Variants in SLC26A8 observed in about 807,000 individuals in gnomAD.
SLC26A8 encodes testis anion transporter 1.
A neutral mutation model predicts 105.0 loss-of-function variants in SLC26A8; 70 were observed. The observed-to-expected ratio is 0.67, with a 90% confidence interval of 0.55 to 0.81. The LOEUF (loss-of-function observed/expected upper bound fraction) is 0.81. Ranked by LOEUF, SLC26A8 falls within the 40% of genes least tolerant of loss-of-function variation. SLC26A8 has a pLI of 0.00. For synonymous variants in SLC26A8, 415 were observed against 438.3 expected (o/e 0.95, Z 0.66); for missense variants, 998 against 1,181.8 (o/e 0.84, Z 2.28).
At position 35,981,777 on chromosome 6, in the gene SLC26A8, G is replaced by A. The variant is rs571397658; in HGVS notation, c.1025+344C>T. On this transcript the variant is annotated intron_variant, in intron 8 of 19. Coordinates refer to ENST00000490799, the MANE Select transcript of SLC26A8 (RefSeq NM_052961.4). The surrounding 1 kb of genome is among the most constrained non-coding windows in gnomAD (Gnocchi z 4.0). ...CAGGAGAGAGGCTAGAAAAACCGAG[G>A]CATCTCTTGTCCACCCCTTGAGAAT... Among the ~76,000 whole-genome samples, 1 of 152,294 alleles carries A rather than the reference G, an allele frequency of 6.6e-6. No individual in the cohort carries two copies. The highest frequency in any genetic ancestry group is 1.9e-4 in the East Asian group (1 of 5,190).
At chr6:36,013,007 A>T (rs1035692875) in intron 2 of SLC26A8, among the ~76,000 whole-genome samples, 4 of 152,114 alleles carry the variant, frequency 2.6e-5, no homozygotes, top group African/African-American at 9.7e-5. Flanking sequence ...TTTACCAAAC[A>T]TTTACTCTGT....
intron 11 of SLC26A8, among the ~76,000 whole-genome samples, chr6:35,964,199 C>A (rs540413588): frequency 1.4e-3 from 216 of 152,244 alleles, no homozygotes; most frequent in African/African-American, 5.0e-3. Context: ...AAGAGCAAGA[C>A]CCTGTCTCAC....
At chr6:35,999,957 C>T (rs150858208) in intron 4 of SLC26A8, 35 bp downstream of exon 4, 4 of 1,387,370 alleles carry the variant, frequency 2.9e-6, no homozygotes, top group East Asian at 2.3e-5. Context: ...ATGGAAACTT[C>T]ATCCACCGCA....
intron 1 of SLC26A8, among the ~76,000 whole-genome samples, chr6:36,021,993 A>G (rs917791984): frequency 6.6e-6 from 1 of 151,160 alleles, no homozygotes; most frequent in African/African-American, 2.4e-5. Context: ...TTGGAGATGG[A>G]GTACAGCTCT....
intron 16 of SLC26A8, among the ~76,000 whole-genome samples, chr6:35,956,374 G>A (rs1355493381): frequency 6.8e-6 from 1 of 146,586 alleles, no homozygotes; most frequent in Non-Finnish European, 1.5e-5. Context: ...GCTGCAGTGA[G>A]CTGTGACCAC....
intron 1 of SLC26A8, among the ~76,000 whole-genome samples, chr6:36,022,164 G>C (rs575341223): frequency 1.6e-3 from 243 of 151,380 alleles, no homozygotes; most frequent in Non-Finnish European, 2.8e-3. Context: ...ACAGGGTTTC[G>C]CCATGTTGGC....
At chr6:35,977,563 T>C (rs764289410) in intron 8 of SLC26A8, among the ~76,000 whole-genome samples, 71 of 152,156 alleles carry the variant, frequency 4.7e-4, no homozygotes, top group Non-Finnish European at 8.8e-4. Context: ...TTGTTGTGTT[T>C]TGCAGTTCAA....
chr6:35,996,483 A>C (rs1291787818), intron 5 of SLC26A8, among the ~76,000 whole-genome samples: 2 of 152,176 alleles, frequency 1.3e-5, no homozygotes, highest in African/African-American at 4.8e-5. Flanking sequence ...AGGATTCCAG[A>C]TCTGGCTCTA....
At position 36,024,378 on chromosome 6, in the gene SLC26A8, T is replaced by C. The variant is rs931844326; in HGVS notation, c.-3+126A>G. On this transcript the variant is annotated intron_variant, in intron 1 of 19. Transcript: ENST00000490799. ...GACCATCATTCATTCATTCCACAGA[T>C]ACTGACTGAGTGCCCACGGCGTGCC... 4.7e-5 allele frequency: 21 copies of C among 445,692 alleles called. No homozygotes were observed. The Admixed American group carries it at 5.0e-4, about 11-fold the overall frequency. The allele number at this position is 445,692 out of a possible 1,614,324, so 27.6% of individuals were successfully genotyped here.
chr6:35,976,732 G>T (rs1271592318), intron 9 of SLC26A8, among the ~76,000 whole-genome samples: 2 of 151,698 alleles, frequency 1.3e-5, no homozygotes, highest in Non-Finnish European at 1.5e-5. Flanking sequence ...TTTTGGTAGA[G>T]ACAGGGTTTC....
intron 11 of SLC26A8, among the ~76,000 whole-genome samples, chr6:35,964,904 T>C (rs1429993100): frequency 6.6e-6 from 1 of 151,450 alleles, no homozygotes; most frequent in African/African-American, 2.4e-5. Flanking sequence ...GAGGCAGAGG[T>C]TGCAGTGAGC....
At chr6:35,957,932 C>T (rs1446718558) in intron 16 of SLC26A8, among the ~76,000 whole-genome samples, 1 of 151,996 alleles carries the variant, frequency 6.6e-6, no homozygotes, top group Non-Finnish European at 1.5e-5. Context: ...TTCTCTCCTC[C>T]ATCTACTCTA....
At chr6:35,962,786 A>C (rs534508560) in intron 11 of SLC26A8, among the ~76,000 whole-genome samples, 165 bp from the exon 12 acceptor site, 1 of 152,282 alleles carries the variant, frequency 6.6e-6, no homozygotes, top group African/African-American at 2.4e-5. Flanking sequence ...CCAATCAAAT[A>C]AATTTTCTCT....
chr6:36,021,618 C>T (rs1446625283), intron 1 of SLC26A8, among the ~76,000 whole-genome samples: 1 of 152,152 alleles, frequency 6.6e-6, no homozygotes, highest in Non-Finnish European at 1.5e-5. Context: ...AGCTGCTTAG[C>T]TCTAGCCATT....
chr6:35,956,057 A>G (rs143099585), intron 16 of SLC26A8, among the ~76,000 whole-genome samples: 318 of 152,288 alleles, frequency 2.1e-3, no homozygotes, highest in African/African-American at 7.1e-3. Flanking sequence ...CCTGGGCAAC[A>G]TGGCAAAAAT....
At chr6:35,951,141 A>G in intron 19 of SLC26A8, 22 bp downstream of exon 19, 7 of 1,525,202 alleles carry the variant, frequency 4.6e-6, no homozygotes, top group Non-Finnish European at 5.3e-6. Flanking sequence ...CCCCAACCTC[A>G]TGCTTTGTCG....
At chr6:35,979,007 A>ATTT (rs34335766) in intron 8 of SLC26A8, among the ~76,000 whole-genome samples, 35 of 98,346 alleles carry the variant, frequency 3.6e-4, no homozygotes, top group African/African-American at 1.1e-3. Context: ...CACCTGGCTA[A>ATTT]TTTTTTTTTT....
intron 17 of SLC26A8, 146 bp from the exon 18 acceptor site, chr6:35,951,645 CT>C (rs1771877224): frequency 2.5e-6 from 2 of 789,724 alleles, no homozygotes; most frequent in Admixed American, 2.1e-5. Context: ...GTGGCATGAT[CT>C]CGGCTCACTG....
At chr6:35,962,690 G>T (rs184453853) in intron 11 of SLC26A8, 69 bp from the exon 12 acceptor site, 6 of 1,475,834 alleles carry the variant, frequency 4.1e-6, no homozygotes, top group Non-Finnish European at 5.6e-6. Context: ...CCCCACCAAG[G>T]AATCACAAAA....
Sources: gnomAD v4.1 joint callset for allele counts (sites outside exome capture counted in the v4.1 genomes callset) on GRCh38, gnomAD v4.1.1 for gene constraint, Gnocchi (gnomAD v3.1) non-coding constraint, MANE v1.5 for transcripts, NCBI Gene and HGNC (gene_info 2026-07-23, HGNC 2026-07-21) for gene names.